The following CUL2 variants were observed in gnomAD, a reference collection of about 807,000 sequenced individuals.
CUL2 encodes cullin 2.
A neutral mutation model predicts 110.2 loss-of-function variants in CUL2; 22 were observed. That is an observed-to-expected ratio of 0.20 (90% CI 0.14 to 0.28). CUL2 has a LOEUF of 0.28. Among genes scored for constraint, CUL2 ranks in the 10% least tolerant of loss-of-function variants. The pLI, the probability that CUL2 is intolerant of heterozygous loss-of-function variation, is 1.00. For missense variants in CUL2, 631 were observed against 905.5 expected (o/e 0.70, Z 3.89); for synonymous variants, 279 against 293.2 (o/e 0.95, Z 0.49).
At chr10:35,068,469 A>G (rs2086593242) in intron 2 of CUL2, among the ~76,000 whole-genome samples, 1 of 152,184 alleles carries the variant, frequency 6.6e-6, no homozygotes. Context: ...AAATCAAGAT[A>G]GTAGTTAGCT....
At chr10:35,104,822 T>C (rs1003711315) in intron 1 of CUL2, among the ~76,000 whole-genome samples, 1 of 151,886 alleles carries the variant, frequency 6.6e-6, no homozygotes, top group African/African-American at 2.4e-5. Flanking sequence ...CTCCGCCTCC[T>C]GGGTTCAAGC....
intron 1 of CUL2, chr10:35,074,076 T>TA: frequency 1.0e-6 from 1 of 980,696 alleles, no homozygotes; most frequent in Non-Finnish European, 1.6e-6. Context: ...GGTGAATACT[T>TA]ACTCCTTGCC....
At chr10:35,109,272 A>T (rs1247179302) in intron 1 of CUL2, among the ~76,000 whole-genome samples, 1 of 152,038 alleles carries the variant, frequency 6.6e-6, no homozygotes, top group Non-Finnish European at 1.5e-5. Flanking sequence ...ACAACAAAAA[A>T]CCTGACCGTC....
chr10:35,081,151 G>A (rs2086939606), intron 1 of CUL2, among the ~76,000 whole-genome samples: 1 of 152,140 alleles, frequency 6.6e-6, no homozygotes. Flanking sequence ...TTGAGCAAAG[G>A]AGACTTCAAG....
At chr10:35,021,450 C>T (rs989188435) in intron 17 of CUL2, among the ~76,000 whole-genome samples, 3 of 149,546 alleles carry the variant, frequency 2.0e-5, no homozygotes, top group African/African-American at 7.6e-5. Context: ...TATACACACA[C>T]ACACATACAT....
intron 8 of CUL2, among the ~76,000 whole-genome samples, chr10:35,043,389 G>A (rs2085845464): frequency 1.3e-5 from 2 of 152,192 alleles, no homozygotes; most frequent in African/African-American, 2.4e-5. Context: ...AAAAGTTCCA[G>A]ATAATTTGCT....
At chr10:35,043,896 C>A (rs1176335083) in intron 8 of CUL2, among the ~76,000 whole-genome samples, 2 of 151,708 alleles carry the variant, frequency 1.3e-5, no homozygotes, top group Non-Finnish European at 2.9e-5. Context: ...AGCAAGACCC[C>A]ATCTCTATAA....
intron 2 of CUL2, among the ~76,000 whole-genome samples, chr10:35,064,981 T>C (rs1185019535): frequency 6.6e-6 from 1 of 152,226 alleles, no homozygotes; most frequent in Non-Finnish European, 1.5e-5. Flanking sequence ...TTCTGCACTG[T>C]TGGACTCCTT....
intron 1 of CUL2, among the ~76,000 whole-genome samples, chr10:35,078,954 A>G (rs1368436008): frequency 1.3e-5 from 2 of 152,180 alleles, no homozygotes; most frequent in Admixed American, 1.3e-4. Context: ...ATGCCACTCA[A>G]TAGGCTTAGA....
intron 2 of CUL2, 100 bp from the exon 3 acceptor site, chr10:35,063,162 T>G (rs565753800): frequency 1.4e-6 from 1 of 695,204 alleles, no homozygotes; most frequent in Admixed American, 2.8e-5. Context: ...ACATTTCTTT[T>G]TGTGGTTTAG....
upstream of CUL2, among the ~76,000 whole-genome samples, chr10:35,093,484 C>A (rs1017219967): frequency 6.6e-6 from 1 of 151,500 alleles, no homozygotes; most frequent in East Asian, 1.9e-4. Flanking sequence ...TATAGCAAAA[C>A]CCCATCTCTA....
intron 5 of CUL2, among the ~76,000 whole-genome samples, chr10:35,052,914 A>G (rs2086148851): frequency 7.9e-5 from 12 of 152,246 alleles, no homozygotes; most frequent in Admixed American, 7.8e-4. Context: ...AAAGAAAAAA[A>G]AAAATTAAAG....
rs138124619 is a variant in CUL2 at position 35,087,262 on chromosome 10, T to C, written c.-23+2917A>G. 2.5e-3 allele frequency among the ~76,000 whole-genome samples: 382 copies of C among 152,160 alleles called. 3 individuals carry two copies. Among genetic ancestry groups the C allele is most frequent in the African/African-American group, 8.9e-3 (370 of 41,404 alleles). On this transcript the variant is annotated intron_variant, in intron 1 of 20. Coordinates refer to ENST00000374749, the MANE Select transcript of CUL2 (RefSeq NM_003591.4). Reference sequence around the variant, plus strand: ...TTGTAGACATGGGGTCTCACCATGTTGCCCAGACTAACATCTTAAATTTTG... The same window carrying C: ...TTGTAGACATGGGGTCTCACCATGTCGCCCAGACTAACATCTTAAATTTTG...
chr10:35,034,966 C>T (rs2085582918), intron 10 of CUL2, among the ~76,000 whole-genome samples: 1 of 152,220 alleles, frequency 6.6e-6, no homozygotes, highest in Admixed American at 6.5e-5. Context: ...TATGGCTAAG[C>T]AGCAGCCTAT....
chr10:35,122,190 A>G (rs555502371), intron 1 of CUL2, among the ~76,000 whole-genome samples: 1 of 152,374 alleles, frequency 6.6e-6, no homozygotes, highest in South Asian at 2.1e-4. Flanking sequence ...TAAAGTTTGA[A>G]TAGAAACGGC....
intron 4 of CUL2, among the ~76,000 whole-genome samples, chr10:35,054,851 A>G (rs1285011991): frequency 1.3e-5 from 2 of 152,196 alleles, no homozygotes; most frequent in Non-Finnish European, 2.9e-5. Flanking sequence ...TCCACTTTCC[A>G]AAAATTAAAC....
rs1164849732 is a variant in CUL2, at chr10:35,057,459, T to C, written c.318-2920A>G. 2.6e-5 allele frequency among the ~76,000 whole-genome samples: 4 copies of C among 151,758 alleles called. No individual in the cohort carries two copies. The East Asian group carries it at 7.8e-4, about 30-fold the overall frequency. On this transcript the variant is annotated intron_variant, in intron 4 of 20. Transcript: ENST00000374749. ...ATCACCTGAGGTCAGGAGACCAGTC[T>C]GGCCAACATGGTGAAACCCCGTCTC... is the stretch of plus-strand genomic sequence containing the variant.
At chr10:35,086,330 G>C (rs1309547973) in intron 1 of CUL2, among the ~76,000 whole-genome samples, 1 of 151,948 alleles carries the variant, frequency 6.6e-6, no homozygotes, top group African/African-American at 2.4e-5. Flanking sequence ...AACTCTCTTA[G>C]TTCTGTCACC....
intron 1 of CUL2, among the ~76,000 whole-genome samples, chr10:35,106,626 C>T (rs1262594763): frequency 2.0e-5 from 3 of 151,962 alleles, no homozygotes; most frequent in African/African-American, 4.8e-5. Context: ...GCCACCACAC[C>T]GGGCCAAATG....
Sources: gnomAD v4.1 joint callset for allele counts (sites outside exome capture counted in the v4.1 genomes callset) on GRCh38, gnomAD v4.1.1 for gene constraint, MANE v1.5 for transcripts, NCBI Gene and HGNC (gene_info 2026-07-23, HGNC 2026-07-21) for gene names.